MTUS2: variants seen among roughly 807,000 people sequenced by gnomAD.
The protein encoded by MTUS2 is microtubule-associated tumor suppressor candidate 2.
MTUS2 carries 40 observed loss-of-function variants against 114.1 expected under a neutral mutation model. That is an observed-to-expected ratio of 0.35 (90% CI 0.27 to 0.46). MTUS2 has a LOEUF of 0.46. MTUS2 is among the 20% of genes least tolerant of loss of function. The pLI, the probability that MTUS2 is intolerant of heterozygous loss-of-function variation, is 1.00. For synonymous variants in MTUS2, 688 were observed against 672.0 expected, an observed-to-expected ratio of 1.02 and a Z score of -0.37; for missense variants, 1,679 against 1,705.4, an observed-to-expected ratio of 0.98 and a Z score of 0.27.
intron 2 of MTUS2, among the ~76,000 whole-genome samples, chr13:28,907,291 C>T (rs922850100): frequency 1.6e-4 from 24 of 151,590 alleles, no homozygotes; most frequent in Admixed American, 4.6e-4. Context: ...CCAGCCACTG[C>T]AAAAACATGC....
intron 5 of MTUS2, among the ~76,000 whole-genome samples, chr13:29,164,225 G>C (rs999052891): frequency 6.6e-6 from 1 of 152,170 alleles, no homozygotes; most frequent in Non-Finnish European, 1.5e-5. Flanking sequence ...GAGCGGCCCT[G>C]TGCCCGCAAC....
At position 28,846,055 on chromosome 13, in the gene MTUS2, A is replaced by AAAATATAT. The variant is rs140946282; in HGVS notation, c.-243+6206_-243+6207insAATATATA. On this transcript the variant is annotated intron_variant, in intron 2 of 15. Transcript: ENST00000612955. Reference sequence around the variant, plus strand: ...TATGCAGTCTTTTTCTTAAAAAAAAAATATATATATATATATATATTCCTC... The same window carrying AAAATATAT: ...TATGCAGTCTTTTTCTTAAAAAAAAAAAATATATATATATATATATATATATATTCCTC... Among the ~76,000 whole-genome samples the AAAATATAT allele has an allele frequency of 1.5e-4, 21 of 143,172 alleles. No homozygotes were observed. In the South Asian group the frequency reaches 4.3e-3, roughly 29 times the overall value. The allele number at this position is 143,172 out of a possible 152,430, so 93.9% of individuals were successfully genotyped here.
chr13:29,080,389 A>G (rs1889388193), intron 4 of MTUS2, among the ~76,000 whole-genome samples: 1 of 152,208 alleles, frequency 6.6e-6, no homozygotes, highest in Non-Finnish European at 1.5e-5. Context: ...AGGGTTATCC[A>G]GAGGGACAGA....
chr13:28,946,308 C>CGT (rs1566243069), intron 2 of MTUS2, among the ~76,000 whole-genome samples: 168 of 151,528 alleles, frequency 1.1e-3, no homozygotes, highest in Admixed American at 5.7e-3. Context: ...TGTGTGTGCG[C>CGT]GCGCACATAC....
intron 5 of MTUS2, among the ~76,000 whole-genome samples, chr13:29,186,328 AAC>A (rs1894221587): frequency 6.6e-6 from 1 of 152,266 alleles, no homozygotes; most frequent in Admixed American, 6.5e-5. Flanking sequence ...AAAGGAATTA[AAC>A]ACTGAATTAA....
At chr13:29,203,203 C>A (rs1895034834) in intron 5 of MTUS2, among the ~76,000 whole-genome samples, 1 of 152,178 alleles carries the variant, frequency 6.6e-6, no homozygotes, top group African/African-American at 2.4e-5. Context: ...TTCAGAGATG[C>A]CCTGCCCAGA....
chr13:29,325,166 A>G (rs1424199335), intron 7 of MTUS2, among the ~76,000 whole-genome samples: 1 of 152,146 alleles, frequency 6.6e-6, no homozygotes, highest in African/African-American at 2.4e-5. Context: ...CTTATTATGA[A>G]TATTCCTGGC....
intron 3 of MTUS2, among the ~76,000 whole-genome samples, chr13:29,032,375 C>G (rs1038903696): frequency 2.6e-5 from 4 of 152,108 alleles, no homozygotes; most frequent in Non-Finnish European, 5.9e-5. Context: ...ATCCTAAAAC[C>G]TGACAGATGT....
chr13:28,875,610 T>C (rs1224983733), intron 2 of MTUS2, among the ~76,000 whole-genome samples: 1 of 152,222 alleles, frequency 6.6e-6, no homozygotes, highest in African/African-American at 2.4e-5. Flanking sequence ...TTGAATTGTA[T>C]GGATTTAGCC....
intron 8 of MTUS2, among the ~76,000 whole-genome samples, chr13:29,426,508 T>G (rs1185929477): frequency 6.6e-6 from 1 of 152,224 alleles, no homozygotes; most frequent in Non-Finnish European, 1.5e-5. Context: ...ACTAAAACTC[T>G]GTATTCATTC....
chr13:29,392,146 C>CAA (rs56797889), intron 8 of MTUS2, among the ~76,000 whole-genome samples: 1,577 of 137,146 alleles, frequency 0.011, 43 homozygotes, highest in African/African-American at 0.041. Context: ...AAAAACAAAC[C>CAA]AAAAAAAAAA....
At chr13:29,338,143 T>C (rs1205865938) in intron 7 of MTUS2, among the ~76,000 whole-genome samples, 2 of 152,088 alleles carry the variant, frequency 1.3e-5, no homozygotes, top group African/African-American at 4.8e-5. Flanking sequence ...GTAATTCTTA[T>C]ATGAGCTAAA....
At chr13:29,490,325 C>T (rs1174439315) in intron 11 of MTUS2, among the ~76,000 whole-genome samples, 1 of 152,176 alleles carries the variant, frequency 6.6e-6, no homozygotes, top group Non-Finnish European at 1.5e-5. Flanking sequence ...TTGCAGCACA[C>T]GCCACCCAGA....
At chr13:29,389,301 A>ATGTATACACG (rs1872885998) in intron 8 of MTUS2, among the ~76,000 whole-genome samples, 1 of 136,584 alleles carries the variant, frequency 7.3e-6, no homozygotes, top group Non-Finnish European at 1.5e-5. Flanking sequence ...ATGTGTGTAT[A>ATGTATACACG]TGTGTATATA....
chr13:29,495,558 A>G (rs956488430), intron 12 of MTUS2, among the ~76,000 whole-genome samples: 18 of 152,016 alleles, frequency 1.2e-4, no homozygotes, highest in African/African-American at 4.3e-4. Context: ...GTGGGATGAT[A>G]CCATTTCTCT....
At chr13:29,424,131 G>T (rs1292894937) in intron 8 of MTUS2, among the ~76,000 whole-genome samples, 1 of 151,598 alleles carries the variant, frequency 6.6e-6, no homozygotes, top group Non-Finnish European at 1.5e-5. Flanking sequence ...GCCTCCATAA[G>T]TGCTGGGATC....
intron 2 of MTUS2, among the ~76,000 whole-genome samples, chr13:28,878,614 T>C (rs915320583): frequency 2.0e-5 from 3 of 152,228 alleles, no homozygotes; most frequent in Non-Finnish European, 4.4e-5. Context: ...ATTAGTTTGC[T>C]GATAACAGCT....
intron 5 of MTUS2, among the ~76,000 whole-genome samples, chr13:29,237,976 T>C (rs1466942289): frequency 6.6e-6 from 1 of 152,176 alleles, no homozygotes; most frequent in African/African-American, 2.4e-5. Context: ...GGTTGGGATA[T>C]GAATTAGTTC....
chr13:29,038,032 C>T (rs1257102736), intron 4 of MTUS2, among the ~76,000 whole-genome samples: 1 of 152,182 alleles, frequency 6.6e-6, no homozygotes, highest in Admixed American at 6.5e-5. Context: ...CAAATTCATT[C>T]TCCATCCAGT....
Sources: gnomAD v4.1 joint callset for allele counts (sites outside exome capture counted in the v4.1 genomes callset) on GRCh38, gnomAD v4.1.1 for gene constraint, MANE v1.5 for transcripts, NCBI Gene and HGNC (gene_info 2026-07-23, HGNC 2026-07-21) for gene names.